ASIC2: variants seen among roughly 807,000 people sequenced by gnomAD.
ASIC2 encodes acid sensing ion channel subunit 2, also known as acid-sensing ion channel 2.
A neutral mutation model predicts 57.3 loss-of-function variants in ASIC2; 25 were observed. The ratio of observed to expected loss-of-function variants is 0.44; its 90% CI spans 0.32 to 0.61. The LOEUF (loss-of-function observed/expected upper bound fraction) is 0.61. Among genes scored for constraint, ASIC2 ranks in the 20% least tolerant of loss-of-function variants. The pLI is 0.06. For missense variants in ASIC2, 641 were observed against 738.1 expected, an observed-to-expected ratio of 0.87 and a Z score of 1.52; for synonymous variants, 319 against 307.5, an observed-to-expected ratio of 1.04 and a Z score of -0.39.
chr17:33,422,288 G>T (rs1314819881), intron 1 of ASIC2, among the ~76,000 whole-genome samples: 1 of 152,220 alleles, frequency 6.6e-6, no homozygotes, highest in Non-Finnish European at 1.5e-5. Context: ...AATGGTGACT[G>T]GCTCCCAGAT....
At chr17:33,106,761 TC>T (rs1324244869) in intron 2 of ASIC2, among the ~76,000 whole-genome samples, 3 of 152,040 alleles carry the variant, frequency 2.0e-5, no homozygotes, top group Admixed American at 1.3e-4. Context: ...ATTTTTTTTT[TC>T]CCCTAAACAG....
At chr17:34,087,748 C>CT (rs1417138139) in intron 1 of ASIC2, among the ~76,000 whole-genome samples, 1 of 151,376 alleles carries the variant, frequency 6.6e-6, no homozygotes, top group African/African-American at 2.4e-5. Flanking sequence ...TCTTTTTATT[C>CT]TTGTTTCTCT....
intron 1 of ASIC2, among the ~76,000 whole-genome samples, chr17:33,298,711 C>A (rs967769927): frequency 6.6e-6 from 1 of 152,192 alleles, no homozygotes; most frequent in Admixed American, 6.5e-5. Flanking sequence ...TACAGTCCCA[C>A]CAACAGTGTA....
At chr17:34,133,252 C>T (rs72822951) in intron 1 of ASIC2, among the ~76,000 whole-genome samples, 49,082 of 150,892 alleles carry the variant, frequency 0.33, 8,808 homozygotes, top group Middle Eastern at 0.45. Flanking sequence ...AAGCGTCTTT[C>T]TTTTTCTTGG....
At chr17:33,713,458 T>C (rs1470903007) in intron 1 of ASIC2, among the ~76,000 whole-genome samples, 2 of 152,214 alleles carry the variant, frequency 1.3e-5, no homozygotes, top group Non-Finnish European at 2.9e-5. Flanking sequence ...CTCTTCTCCA[T>C]CATCATGTGG....
At chr17:33,574,181 C>T (rs959481182) in intron 1 of ASIC2, among the ~76,000 whole-genome samples, 1 of 152,166 alleles carries the variant, frequency 6.6e-6, no homozygotes, top group Admixed American at 6.5e-5. Context: ...TAAGAGTTAC[C>T]ATTGCTCTAC....
At chr17:33,630,595 G>T (rs1906132721) in intron 1 of ASIC2, among the ~76,000 whole-genome samples, 1 of 152,166 alleles carries the variant, frequency 6.6e-6, no homozygotes, top group Non-Finnish European at 1.5e-5. Context: ...CAGTGCTCAA[G>T]GTCAAGGGTT....
chr17:33,015,923 T>G (rs781384406), intron 9 of ASIC2, 48 bp downstream of exon 9: 1 of 1,603,394 alleles, frequency 6.2e-7, no homozygotes, highest in Admixed American at 1.7e-5. Context: ...GTACTGCCGG[T>G]ACAAGCCAGA....
chr17:33,721,862 A>C (rs1221752262), intron 1 of ASIC2, among the ~76,000 whole-genome samples: 1 of 152,258 alleles, frequency 6.6e-6, no homozygotes, highest in Admixed American at 6.5e-5. Flanking sequence ...GGCATGTGGC[A>C]GGAGCTGCAA....
intron 1 of ASIC2, among the ~76,000 whole-genome samples, chr17:33,528,054 G>A (rs1367353911): frequency 6.6e-6 from 1 of 152,112 alleles, no homozygotes; most frequent in Non-Finnish European, 1.5e-5. Context: ...AAACAATTAA[G>A]CAATGCATCC....
intron 3 of ASIC2, among the ~76,000 whole-genome samples, chr17:33,082,816 C>T (rs1343886488): frequency 1.3e-5 from 2 of 152,130 alleles, no homozygotes; most frequent in South Asian, 2.1e-4. Context: ...GTCCCCATAC[C>T]GCATGAATAT....
intron 3 of ASIC2, among the ~76,000 whole-genome samples, chr17:33,073,572 T>C (rs912479353): frequency 6.6e-6 from 1 of 152,140 alleles, no homozygotes; most frequent in African/African-American, 2.4e-5. Flanking sequence ...TGCTCACTCA[T>C]TGCGACCATC....
intron 1 of ASIC2, among the ~76,000 whole-genome samples, chr17:33,514,178 T>G (rs1914502404): frequency 6.6e-6 from 1 of 152,204 alleles, no homozygotes; most frequent in South Asian, 2.1e-4. Flanking sequence ...GCCTTCATGC[T>G]GCATGCTCTA....
At chr17:34,134,875 C>G (rs1912085950) in intron 1 of ASIC2, among the ~76,000 whole-genome samples, 1 of 152,194 alleles carries the variant, frequency 6.6e-6, no homozygotes, top group Non-Finnish European at 1.5e-5. Flanking sequence ...CTTCGCCCAC[C>G]CATACGTAGG....
chr17:33,046,374 G>T (rs1260616320), intron 3 of ASIC2, among the ~76,000 whole-genome samples: 3 of 152,220 alleles, frequency 2.0e-5, no homozygotes, highest in Non-Finnish European at 4.4e-5. Context: ...TTTTCTTAAA[G>T]TAGAGCACAT....
intron 1 of ASIC2, among the ~76,000 whole-genome samples, chr17:33,791,543 G>A (rs996803676): frequency 2.0e-5 from 3 of 152,090 alleles, no homozygotes; most frequent in African/African-American, 4.8e-5. Flanking sequence ...AGACAAATTT[G>A]ACACATTAAT....
intron 1 of ASIC2, among the ~76,000 whole-genome samples, chr17:33,779,326 A>T (rs1198990412): frequency 6.6e-6 from 1 of 152,176 alleles, no homozygotes; most frequent in Non-Finnish European, 1.5e-5. Flanking sequence ...GATTTATCTC[A>T]ACCGCTCAAG....
chr17:33,794,777 A>T (rs935543892), intron 1 of ASIC2: 9 of 152,188 alleles, frequency 5.9e-5, no homozygotes, highest in Non-Finnish European at 1.3e-4. Flanking sequence ...TTATTAAAAC[A>T]TAAAATCAGC....
At chr17:33,318,101 G>A (rs969381534) in intron 1 of ASIC2, among the ~76,000 whole-genome samples, 2 of 152,156 alleles carry the variant, frequency 1.3e-5, no homozygotes, top group Non-Finnish European at 2.9e-5. Flanking sequence ...TAAGGCAGCA[G>A]CTGGCAGCCT....
Sources: allele counts gnomAD v4.1 joint callset (sites outside exome capture counted in the v4.1 genomes callset), GRCh38; gene constraint gnomAD v4.1.1; transcripts MANE v1.5; gene names NCBI Gene and HGNC (gene_info 2026-07-23, HGNC 2026-07-21).